Variants in CDH13 observed in about 807,000 individuals in gnomAD.
CDH13 encodes the protein cadherin 13.
In CDH13, 24 loss-of-function variants were observed where a neutral mutation model predicts 63.8. The ratio of observed to expected loss-of-function variants is 0.38; its 90% CI spans 0.27 to 0.53. The LOEUF (loss-of-function observed/expected upper bound fraction) is 0.53. Among genes scored for constraint, CDH13 ranks in the 20% least tolerant of loss-of-function variants. The probability of loss-of-function intolerance (pLI) is 0.85; values close to 1 mark genes in which losing one functional copy is unlikely to be tolerated. For missense variants in CDH13, 1,049 were observed against 903.1 expected, an observed-to-expected ratio of 1.16 and a Z score of -2.07; for synonymous variants, 503 against 355.3, an observed-to-expected ratio of 1.42 and a Z score of -4.67.
chr16:83,309,015 C>G (rs1373192638), intron 5 of CDH13, among the ~76,000 whole-genome samples: 3 of 152,200 alleles, frequency 2.0e-5, no homozygotes. Flanking sequence ...TGTCCTAAAT[C>G]ATTCCCTTGT....
intron 2 of CDH13, among the ~76,000 whole-genome samples, chr16:83,009,568 G>C (rs7184101): frequency 1.7e-3 from 252 of 152,032 alleles, no homozygotes; most frequent in African/African-American, 5.9e-3. Flanking sequence ...ATATGGCTGA[G>C]TAGCAGTACT....
At chr16:83,419,892 T>G (rs551966190) in intron 6 of CDH13, among the ~76,000 whole-genome samples, 17 of 150,886 alleles carry the variant, frequency 1.1e-4, no homozygotes, top group Non-Finnish European at 2.2e-4. Flanking sequence ...AACAGGAATT[T>G]CTTTTCTCTG....
At chr16:83,495,714 C>T (rs887402881) in intron 7 of CDH13, among the ~76,000 whole-genome samples, 2 of 152,138 alleles carry the variant, frequency 1.3e-5, no homozygotes, top group African/African-American at 4.8e-5. Flanking sequence ...GGAAAGTAAG[C>T]CACATTATGT....
intron 3 of CDH13, among the ~76,000 whole-genome samples, chr16:83,122,238 C>G (rs2035616157): frequency 6.6e-6 from 1 of 152,230 alleles, no homozygotes; most frequent in Non-Finnish European, 1.5e-5. Flanking sequence ...GCCTTTAACA[C>G]CGCTCTGGCC....
At chr16:83,384,290 C>T (rs2091629087) in intron 6 of CDH13, among the ~76,000 whole-genome samples, 1 of 152,194 alleles carries the variant, frequency 6.6e-6, no homozygotes, top group Non-Finnish European at 1.5e-5. Flanking sequence ...TGCCAGCCAT[C>T]TCTGCTGACT....
chr16:83,096,416 G>A (rs1358925065), intron 3 of CDH13, among the ~76,000 whole-genome samples: 1 of 152,162 alleles, frequency 6.6e-6, no homozygotes, highest in African/African-American at 2.4e-5. Context: ...TTATCCAATA[G>A]CTACTGAAAT....
At chr16:83,241,592 G>A (rs181419175) in intron 5 of CDH13, among the ~76,000 whole-genome samples, 176 of 152,272 alleles carry the variant, frequency 1.2e-3, no homozygotes, top group African/African-American at 4.0e-3. Flanking sequence ...GTGATGTTCA[G>A]CATTTTTTCA....
At chr16:83,283,770 T>G (rs2089241701) in intron 5 of CDH13, among the ~76,000 whole-genome samples, 1 of 152,176 alleles carries the variant, frequency 6.6e-6, no homozygotes, top group Admixed American at 6.5e-5. Context: ...TAACCTTCTT[T>G]TTGGAACCCC....
chr16:83,748,397 C>T (rs554890696), intron 11 of CDH13, 147 bp downstream of exon 11: 6 of 684,894 alleles, frequency 8.8e-6, no homozygotes, highest in East Asian at 5.2e-5. Flanking sequence ...TAAATATACA[C>T]ATGTTGAGTT....
At chr16:82,688,190 G>T (rs143974117) in intron 1 of CDH13, among the ~76,000 whole-genome samples, 1 of 152,148 alleles carries the variant, frequency 6.6e-6, no homozygotes, top group Non-Finnish European at 1.5e-5. Context: ...AAGAGATCTC[G>T]TCCAACACTG....
At chr16:83,071,084 C>T (rs2032404436) in intron 3 of CDH13, among the ~76,000 whole-genome samples, 1 of 151,978 alleles carries the variant, frequency 6.6e-6, no homozygotes, top group Admixed American at 6.5e-5. Flanking sequence ...AGACACCATG[C>T]CTCTTACTGT....
intron 7 of CDH13, among the ~76,000 whole-genome samples, chr16:83,522,502 G>A (rs142850069): frequency 6.6e-6 from 1 of 152,082 alleles, no homozygotes; most frequent in Non-Finnish European, 1.5e-5. Flanking sequence ...ACTTGAAGCT[G>A]GTAATACTTC....
chr16:82,808,654 C>T (rs981632551), intron 1 of CDH13, among the ~76,000 whole-genome samples: 1 of 152,060 alleles, frequency 6.6e-6, no homozygotes, highest in African/African-American at 2.4e-5. Flanking sequence ...AAAGGAAAGG[C>T]TTCTAGTGTT....
intron 13 of CDH13, among the ~76,000 whole-genome samples, chr16:83,790,408 GTTTTGTT>G (rs373676314): frequency 1.1e-4 from 16 of 151,910 alleles, no homozygotes; most frequent in African/African-American, 3.9e-4. Context: ...GTTTTGTTTT[GTTTTGTT>G]TTTTCACAGA....
At chr16:82,847,809 T>A (rs562003282) in intron 1 of CDH13, among the ~76,000 whole-genome samples, 1 of 152,232 alleles carries the variant, frequency 6.6e-6, no homozygotes, top group South Asian at 2.1e-4. Context: ...GCCAGAGAAA[T>A]CACCACACAG....
At chr16:82,896,276 ATTTTTTTTTTTTTTTTTTT>A (rs59677448) in intron 2 of CDH13, among the ~76,000 whole-genome samples, 18 of 87,844 alleles carry the variant, frequency 2.0e-4, no homozygotes, top group African/African-American at 3.8e-4. Flanking sequence ...TAGGATTAGG[ATTTTTTTTTTTTTTTTTTT>A]TTTTTTTTTT....
chr16:82,989,134 C>T (rs556337968), intron 2 of CDH13, among the ~76,000 whole-genome samples: 6 of 152,064 alleles, frequency 3.9e-5, no homozygotes, highest in South Asian at 4.2e-4. Context: ...AAAGGGGAGA[C>T]GGAGAGAGAG....
rs570744335 is a variant in CDH13 at position 83,145,956 on chromosome 16, G to A, written c.483+20455G>A. ...CCAGCCGGATGCTGGAACTTTGGGAGGCCGAGGCGGGTGGATTACCTGAGG... is the reference window on the plus strand; with the variant it reads ...CCAGCCGGATGCTGGAACTTTGGGAAGCCGAGGCGGGTGGATTACCTGAGG... On this transcript the variant is annotated intron_variant, in intron 4 of 13. Coordinates refer to ENST00000567109, the MANE Select transcript of CDH13 (RefSeq NM_001257.5). Among the ~76,000 whole-genome samples, 268 of 152,228 alleles carry A rather than the reference G, an allele frequency of 1.8e-3. 2 individuals are homozygous for A. The highest frequency in any genetic ancestry group is 6.2e-3 in the African/African-American group (258 of 41,526).
chr16:83,281,171 C>T (rs2089160709), intron 5 of CDH13, among the ~76,000 whole-genome samples: 1 of 152,222 alleles, frequency 6.6e-6, no homozygotes, highest in African/African-American at 2.4e-5. Flanking sequence ...TTTAGTGTAG[C>T]CACTTTCATC....
Sources: gnomAD v4.1 joint callset for allele counts (sites outside exome capture counted in the v4.1 genomes callset) on GRCh38, gnomAD v4.1.1 for gene constraint, MANE v1.5 for transcripts, NCBI Gene and HGNC (gene_info 2026-07-23, HGNC 2026-07-21) for gene names.